SNX25: variants seen among roughly 807,000 people sequenced by gnomAD.
SNX25 encodes the protein sorting nexin 25, also known as sorting nexin-25.
SNX25 carries 62 observed loss-of-function variants against 113.7 expected under a neutral mutation model. The observed-to-expected ratio is 0.55, with a 90% CI of 0.44 to 0.67. The LOEUF (loss-of-function observed/expected upper bound fraction) is 0.67. Among genes scored for constraint, SNX25 ranks in the 30% least tolerant of loss-of-function variants. SNX25 has a pLI of 0.00. For missense variants in SNX25, 1,014 were observed against 1,161.0 expected (o/e 0.87, Z 1.84); for synonymous variants, 421 against 436.2 (o/e 0.97, Z 0.43).
chr4:185,337,155 C>A (rs1386969122), intron 10 of SNX25, among the ~76,000 whole-genome samples: 1 of 152,152 alleles, frequency 6.6e-6, no homozygotes, highest in Non-Finnish European at 1.5e-5. Context: ...TGTGCAGTAG[C>A]ATTTTAGTGT....
intron 10 of SNX25, among the ~76,000 whole-genome samples, chr4:185,337,440 G>A (rs952255416): frequency 6.6e-6 from 1 of 152,142 alleles, no homozygotes; most frequent in African/African-American, 2.4e-5. Context: ...TTTTAAGGCT[G>A]ATCATATTTC....
chr4:185,376,853 T>G, the SNX25 span: 3 of 1,284,384 alleles, frequency 2.3e-6, 1 homozygote, highest in Non-Finnish European at 1.1e-6. Context: ...AATTTTTGTC[T>G]GAGGATCTAA....
chr4:185,259,502 C>A (rs1746932107), intron 3 of SNX25, among the ~76,000 whole-genome samples: 1 of 152,134 alleles, frequency 6.6e-6, no homozygotes, highest in South Asian at 2.1e-4. Flanking sequence ...TTCAAAGGTA[C>A]TCAATATTGG....
At chr4:185,365,356 C>A (rs758756881), downstream of SNX25, 2 of 151,740 alleles carry the variant, frequency 1.3e-5, no homozygotes, top group Non-Finnish European at 2.9e-5. Context: ...TTTTAAGATT[C>A]TTTTTATTTT....
downstream of SNX25, chr4:185,374,372 TC>T: frequency 6.2e-7 from 1 of 1,614,206 alleles, no homozygotes; most frequent in South Asian, 1.1e-5. Context: ...AATAAGCTCT[TC>T]CGAGGTTGTA....
chr4:185,330,719 T>G (rs1424624014), intron 9 of SNX25, among the ~76,000 whole-genome samples: 1 of 152,206 alleles, frequency 6.6e-6, no homozygotes, highest in African/African-American at 2.4e-5. Context: ...CTCAAGTGCT[T>G]GCTCTTGATG....
chr4:185,240,977 G>A (rs1316702474), intron 1 of SNX25, among the ~76,000 whole-genome samples: 2 of 148,412 alleles, frequency 1.3e-5, no homozygotes, highest in South Asian at 2.2e-4. Context: ...GGGCAGAGAC[G>A]CTCCTCACTT....
chr4:185,264,600 C>A lies in SNX25; in HGVS notation c.894C>A (p.Leu298=). 6.2e-7 allele frequency: 1 copy of A among 1,613,916 alleles called. No homozygotes were observed. ...TACGTATAATGCTTGCAGAAATTCT[C>A]ACAACAAAAGGTAGACTTATACAGT... ...LSLRIMLAEI[L]TTKVLKPVVE... is the part of the protein sequence containing the mutation. Residue 298 remains leucine, a synonymous_variant, in exon 4 of 19, where the codon CTC becomes CTA. Transcript: ENST00000652585.
intron 4 of SNX25, 55 bp from the exon 5 acceptor site, chr4:185,266,914 A>G: frequency 6.5e-7 from 1 of 1,542,444 alleles, no homozygotes. Flanking sequence ...ATACATAAAC[A>G]GTTCCCTTAA....
intron 13 of SNX25, among the ~76,000 whole-genome samples, chr4:185,348,706 A>G (rs927404469): frequency 1.3e-5 from 2 of 152,062 alleles, no homozygotes; most frequent in African/African-American, 4.8e-5. Context: ...CACATTTATC[A>G]TTTCTTCGTG....
intron 1 of SNX25, among the ~76,000 whole-genome samples, chr4:185,222,597 C>G (rs1383612597): frequency 1.3e-5 from 2 of 152,222 alleles, no homozygotes; most frequent in African/African-American, 4.8e-5. Flanking sequence ...GTAGTTGTCA[C>G]AGTTGTAATT....
chr4:185,223,397 C>T (rs112446686), intron 1 of SNX25, among the ~76,000 whole-genome samples: 2 of 152,126 alleles, frequency 1.3e-5, no homozygotes, highest in Non-Finnish European at 2.9e-5. Context: ...TGGTGCAGTT[C>T]AACATGCTCC....
downstream of SNX25, chr4:185,374,243 A>G (rs769346840): frequency 8.1e-6 from 13 of 1,614,018 alleles, no homozygotes; most frequent in African/African-American, 5.3e-5. Context: ...GCCACAGTCT[A>G]CAAGAGAAAG....
At chr4:185,270,994 C>T (rs536768491) in intron 5 of SNX25, among the ~76,000 whole-genome samples, 17 of 152,292 alleles carry the variant, frequency 1.1e-4, no homozygotes, top group Admixed American at 3.3e-4. Context: ...TCTTCAGTGA[C>T]GTTGTCAGTG....
In SNX25 at chr4:185,216,129, A is replaced by G. The variant is rs75347585; in HGVS notation, c.429+5874A>G. Among the ~76,000 whole-genome samples the G allele has an allele frequency of 5.9e-3, 900 of 152,218 alleles. 23 individuals are homozygous for G. Among genetic ancestry groups the G allele is most frequent in the South Asian group, 0.057 (273 of 4,822 alleles). The stretch of plus-strand genomic sequence containing the variant: ...ATTATTTTTTAATTTAGTTTTTTCC[A>G]TAGGTTGCACAATCATATGATTTTA... On this transcript the variant is annotated intron_variant, in intron 1 of 18. Transcript: ENST00000652585.
intron 4 of SNX25, 119 bp downstream of exon 4, chr4:185,264,729 T>C (rs959079863): frequency 9.9e-6 from 11 of 1,112,468 alleles, no homozygotes; most frequent in Non-Finnish European, 1.1e-5. Context: ...CTTGTTTATA[T>C]GTCTCTAAAA....
In SNX25 at chr4:185,233,554, A is replaced by G. The variant is rs116606397; in HGVS notation, c.430-13740A>G. On this transcript the variant is annotated intron_variant, in intron 1 of 18. Coordinates refer to ENST00000652585, the MANE Select transcript of SNX25 (RefSeq NM_001378034.2). ...TTTTAGAAATGCAAAAATTATTGTC[A>G]GGGTTTTCAGTTACCTTTTTCTAAG... Among the ~76,000 whole-genome samples the G allele has an allele frequency of 6.3e-3, 960 of 152,294 alleles. 10 individuals carry two copies. Among genetic ancestry groups the G allele is most frequent in the African/African-American group, 0.022 (923 of 41,572 alleles).
intron 7 of SNX25, among the ~76,000 whole-genome samples, chr4:185,311,519 A>G (rs569545885): frequency 2.2e-4 from 34 of 152,326 alleles, no homozygotes; most frequent in African/African-American, 8.2e-4. Context: ...CTAAGATAGA[A>G]GGAAGCAGCC....
chr4:185,339,633 G>A, intron 11 of SNX25, 123 bp downstream of exon 11: 1 of 1,255,352 alleles, frequency 8.0e-7, no homozygotes, highest in South Asian at 1.6e-5. Flanking sequence ...GACCATATTT[G>A]TCCTACCTTC....
Sources: gnomAD v4.1 joint callset for allele counts (sites outside exome capture counted in the v4.1 genomes callset) on GRCh38, gnomAD v4.1.1 for gene constraint, MANE v1.5 for transcripts, NCBI Gene and HGNC (gene_info 2026-07-23, HGNC 2026-07-21) for gene names.